Variants in TNS3 observed in about 807,000 individuals in gnomAD.
TNS3 encodes tensin-3.
In TNS3, 45 loss-of-function variants were observed where a neutral mutation model predicts 140.9. That is an observed-to-expected ratio of 0.32 (90% CI 0.25 to 0.41). The LOEUF (loss-of-function observed/expected upper bound fraction) is 0.41, where lower values mean the gene tolerates loss of function less well. Ranked by LOEUF, TNS3 falls within the 10% of genes least tolerant of loss-of-function variation. The pLI, the probability that TNS3 is intolerant of heterozygous loss-of-function variation, is 1.00. For missense variants in TNS3, 1,716 were observed against 1,906.7 expected (o/e 0.90, Z 1.86); for synonymous variants, 815 against 788.4 (o/e 1.03, Z -0.56).
chr7:47,521,559 A>G (rs1221537947), intron 2 of TNS3, among the ~76,000 whole-genome samples: 14 of 152,180 alleles, frequency 9.2e-5, no homozygotes, highest in Non-Finnish European at 1.5e-4. Flanking sequence ...ATGGCTGGCT[A>G]GTCACTGGCC....
At chr7:47,396,576 G>A (rs1270499103) in intron 16 of TNS3, 4 of 552,476 alleles carry the variant, frequency 7.2e-6, no homozygotes, top group African/African-American at 3.8e-5. Context: ...TCATCCACCC[G>A]TTACAGCTTC....
At chr7:47,333,024 T>A (rs1788429125) in intron 20 of TNS3, among the ~76,000 whole-genome samples, 1 of 152,136 alleles carries the variant, frequency 6.6e-6, no homozygotes, top group Non-Finnish European at 1.5e-5. Flanking sequence ...TTCAGCATGG[T>A]AGAGAAGTCT....
At chr7:47,510,836 TG>T (rs1217916947) in intron 2 of TNS3, among the ~76,000 whole-genome samples, 4 of 137,266 alleles carry the variant, frequency 2.9e-5, no homozygotes, top group Non-Finnish European at 6.1e-5. Context: ...GATCGTGCCC[TG>T]GGTGACAGAG....
intron 20 of TNS3, among the ~76,000 whole-genome samples, chr7:47,344,159 C>CT (rs1260613580): frequency 6.6e-6 from 1 of 152,212 alleles, no homozygotes; most frequent in African/African-American, 2.4e-5. Flanking sequence ...GTCCTGGACT[C>CT]TCAGGCAAGT....
intron 20 of TNS3, among the ~76,000 whole-genome samples, chr7:47,314,228 C>G (rs781409606): frequency 2.0e-5 from 3 of 152,194 alleles, no homozygotes; most frequent in Non-Finnish European, 4.4e-5. Flanking sequence ...CTGCAGACAG[C>G]AAGGAGGATG....
At chr7:47,360,472 G>A (rs938887582) in intron 17 of TNS3, among the ~76,000 whole-genome samples, 3 of 152,178 alleles carry the variant, frequency 2.0e-5, no homozygotes, top group Non-Finnish European at 4.4e-5. Flanking sequence ...TCCAGCGCCC[G>A]GGGCCCTGGC....
intron 3 of TNS3, among the ~76,000 whole-genome samples, chr7:47,498,048 G>A (rs1394021834): frequency 6.6e-6 from 1 of 152,184 alleles, no homozygotes; most frequent in Admixed American, 6.5e-5. Context: ...CAGGGTGGAG[G>A]TGGGGAGTGA....
intron 1 of TNS3, among the ~76,000 whole-genome samples, chr7:47,574,961 G>A (rs1217597239): frequency 1.3e-5 from 2 of 152,026 alleles, no homozygotes; most frequent in South Asian, 4.2e-4. Flanking sequence ...CAACGTGAAG[G>A]TTCTTAATGT....
At chr7:47,343,330 C>T (rs1351664352) in intron 20 of TNS3, among the ~76,000 whole-genome samples, 1 of 152,234 alleles carries the variant, frequency 6.6e-6, no homozygotes, top group African/African-American at 2.4e-5. Context: ...GCTCCACATT[C>T]TCTTATGCTC....
At position 47,547,940 on chromosome 7, in the gene TNS3, G is replaced by A. The variant is rs371318240; in HGVS notation, c.-264-18793C>T. Among the ~76,000 whole-genome samples, 67 of 152,230 alleles carry A rather than the reference G, an allele frequency of 4.4e-4. No homozygotes were observed. The South Asian group carries it at 0.012, about 28-fold the overall frequency. Reference sequence around the variant, plus strand: ...ACTCCTGACGGAGTCTCACTCTGTCGCCCAGGCTGGAGTGCAGTGGCGCGA... The same window carrying A: ...ACTCCTGACGGAGTCTCACTCTGTCACCCAGGCTGGAGTGCAGTGGCGCGA... On this transcript the variant is annotated intron_variant, in intron 1 of 30. Transcript: ENST00000311160.
intron 20 of TNS3, among the ~76,000 whole-genome samples, chr7:47,339,871 T>C (rs1584434118): frequency 6.6e-6 from 1 of 151,226 alleles, no homozygotes. Context: ...TCATCAGCAT[T>C]GTGCAGTTTT....
At chr7:47,387,548 CA>C (rs1266655942) in intron 16 of TNS3, among the ~76,000 whole-genome samples, 1 of 152,230 alleles carries the variant, frequency 6.6e-6, no homozygotes, top group African/African-American at 2.4e-5. Flanking sequence ...CCCATAAGGA[CA>C]AAGGACCCAA....
chr7:47,328,349 T>C (rs371619807), intron 20 of TNS3, among the ~76,000 whole-genome samples: 1 of 152,144 alleles, frequency 6.6e-6, no homozygotes, highest in African/African-American at 2.4e-5. Flanking sequence ...TTGCTTCCTT[T>C]TCATTTCTTT....
At chr7:47,527,114 G>A (rs899914674) in intron 2 of TNS3, among the ~76,000 whole-genome samples, 1 of 151,984 alleles carries the variant, frequency 6.6e-6, no homozygotes, top group African/African-American at 2.4e-5. Flanking sequence ...GCGGGCGCCT[G>A]TAGTCCCAGC....
chr7:47,406,821 T>G (rs957617665), intron 13 of TNS3, among the ~76,000 whole-genome samples: 2 of 152,100 alleles, frequency 1.3e-5, no homozygotes, highest in Non-Finnish European at 2.9e-5. Flanking sequence ...CTTCTCAACT[T>G]AAGGATTGCT....
Position 47,428,374 on chromosome 7 carries a change from G to C in TNS3, c.327C>G (p.Gly109=), listed in dbSNP as rs748482518. 4.8e-5 allele frequency: 68 copies of C among 1,427,458 alleles called. No individual in the cohort carries two copies. The highest frequency in any genetic ancestry group is 6.2e-5 in the Non-Finnish European group (67 of 1,083,924). 88.4% of individuals were successfully genotyped at this position (1,427,458 alleles called of 1,614,324 possible). A position where few individuals can be genotyped will look rare whatever the true frequency, so the allele number is the denominator to read the frequency against. ...LQHVVVIHCR[G]GKGRIGVVIS... is the part of the protein sequence containing the mutation. ...TGACCACTCCTATGCGTCCTTTCCC[G>C]CCCTGCAGGAGACAAAAGATCAGCT... The change falls in exon 9 of 31, where the codon GGC becomes GGG. Residue 109 remains glycine (G), a splice_region_variant and synonymous_variant. Transcript: ENST00000311160.
chr7:47,561,851 C>T (rs938021942), intron 1 of TNS3, among the ~76,000 whole-genome samples: 3 of 152,184 alleles, frequency 2.0e-5, no homozygotes, highest in African/African-American at 7.2e-5. Flanking sequence ...GATAAACCTG[C>T]TAAGAAGCAG....
At chr7:47,526,425 G>T (rs544574353) in intron 2 of TNS3, among the ~76,000 whole-genome samples, 76 of 152,306 alleles carry the variant, frequency 5.0e-4, no homozygotes, top group Non-Finnish European at 9.1e-4. Context: ...TCCCTTCAGA[G>T]CAATCCTAAC....
intron 1 of TNS3, among the ~76,000 whole-genome samples, chr7:47,570,885 A>G (rs753413056): frequency 2.0e-5 from 3 of 151,840 alleles, no homozygotes; most frequent in African/African-American, 7.3e-5. Flanking sequence ...TTTAATGAGG[A>G]CAGAGAGATA....
Sources: gnomAD v4.1 joint callset for allele counts (sites outside exome capture counted in the v4.1 genomes callset) on GRCh38, gnomAD v4.1.1 for gene constraint, MANE v1.5 for transcripts, NCBI Gene and HGNC (gene_info 2026-07-23, HGNC 2026-07-21) for gene names.